KIF26B: variants seen among roughly 807,000 people sequenced by gnomAD.
The protein encoded by KIF26B is kinesin-like protein KIF26B.
A neutral mutation model predicts 151.2 loss-of-function variants in KIF26B; 63 were observed. That is an observed-to-expected ratio of 0.42 (90% CI 0.34 to 0.51). The LOEUF (loss-of-function observed/expected upper bound fraction) is 0.51, where lower values mean the gene tolerates loss of function less well. KIF26B is among the 20% of genes least tolerant of loss of function. KIF26B has a pLI of 0.07. For missense variants in KIF26B, 2,813 were observed against 2,913.6 expected, an observed-to-expected ratio of 0.97 and a Z score of 0.79; for synonymous variants, 1,357 against 1,262.1, an observed-to-expected ratio of 1.08 and a Z score of -1.59.
intron 2 of KIF26B, among the ~76,000 whole-genome samples, chr1:245,186,202 C>T (rs891763004): frequency 3.9e-5 from 6 of 151,940 alleles, no homozygotes; most frequent in Admixed American, 1.3e-4. Context: ...TCCCTTCTCC[C>T]ACGTGCGCTA....
intron 2 of KIF26B, among the ~76,000 whole-genome samples, chr1:245,171,279 C>T (rs529056538): frequency 6.6e-6 from 1 of 152,250 alleles, no homozygotes; most frequent in East Asian, 1.9e-4. Context: ...CACGGTGGCT[C>T]ACGCCTGTAA....
At chr1:245,246,091 C>G (rs1159386796) in intron 2 of KIF26B, among the ~76,000 whole-genome samples, 1 of 47,742 alleles carries the variant, frequency 2.1e-5, no homozygotes, top group Non-Finnish European at 4.1e-5. Context: ...GACTCCGTCT[C>G]AAAAAAGAAA....
At chr1:245,438,437 G>A (rs1485827607) in intron 4 of KIF26B, among the ~76,000 whole-genome samples, 16 of 152,152 alleles carry the variant, frequency 1.1e-4, no homozygotes, top group Admixed American at 1.0e-3. Context: ...AGAAAGAGAG[G>A]ATATACTTTA....
chr1:245,191,428 T>C (rs985181096), intron 2 of KIF26B, among the ~76,000 whole-genome samples: 1 of 151,438 alleles, frequency 6.6e-6, no homozygotes, highest in Non-Finnish European at 1.5e-5. Context: ...TGAGCCGAGA[T>C]CACACCACTA....
intron 4 of KIF26B, among the ~76,000 whole-genome samples, chr1:245,446,551 A>G (rs1659254977): frequency 1.3e-5 from 2 of 152,184 alleles, no homozygotes; most frequent in Non-Finnish European, 2.9e-5. Flanking sequence ...GGCCCAGGCT[A>G]CAGACTCCTA....
chr1:245,159,814 G>A (rs1668504321), intron 2 of KIF26B, among the ~76,000 whole-genome samples: 1 of 152,154 alleles, frequency 6.6e-6, no homozygotes, highest in Non-Finnish European at 1.5e-5. Flanking sequence ...CTAGTGCCTG[G>A]CTCTGGTGGC....
intron 5 of KIF26B, among the ~76,000 whole-genome samples, chr1:245,566,331 T>C (rs1419366871): frequency 6.6e-6 from 1 of 152,258 alleles, no homozygotes; most frequent in African/African-American, 2.4e-5. Flanking sequence ...TTTATGCCCT[T>C]TGGCTTGCTG....
chr1:245,402,382 C>T (rs112037725), intron 3 of KIF26B, among the ~76,000 whole-genome samples: 3,285 of 152,302 alleles, frequency 0.022, 124 homozygotes, highest in African/African-American at 0.076. Flanking sequence ...TCGCTGGATA[C>T]AGAGCCCACG....
intron 4 of KIF26B, among the ~76,000 whole-genome samples, chr1:245,450,785 A>G (rs1659371899): frequency 6.6e-6 from 1 of 152,314 alleles, no homozygotes; most frequent in East Asian, 1.9e-4. Flanking sequence ...GGGAAGGGGA[A>G]CCATTTTTTG....
rs1669972485 is a variant in KIF26B at position 245,230,455 on chromosome 1, GA to G, written c.465+73776del. 2.0e-5 allele frequency among the ~76,000 whole-genome samples: 3 copies of G among 151,902 alleles called. No homozygotes were observed. The South Asian group carries it at 6.2e-4, about 32-fold the overall frequency. On this transcript the variant is annotated intron_variant, in intron 2 of 14. Transcript: ENST00000407071. ...CATCCATAAAAATTTGCTATAAAAAGAAAACTGCCGGGCGTGGTGGCTCACG... is the reference window on the plus strand; with the variant it reads ...CATCCATAAAAATTTGCTATAAAAAGAAACTGCCGGGCGTGGTGGCTCACG...
intron 4 of KIF26B, chr1:245,511,195 T>G: frequency 1.5e-6 from 1 of 685,400 alleles, no homozygotes; most frequent in Non-Finnish European, 2.7e-6. Flanking sequence ...TTTTTTTTAC[T>G]TTAACTTTTT....
At chr1:245,509,670 A>T (rs1439011617) in intron 4 of KIF26B, among the ~76,000 whole-genome samples, 4 of 152,200 alleles carry the variant, frequency 2.6e-5, no homozygotes, top group Non-Finnish European at 4.4e-5. Context: ...CCACCAGCTC[A>T]ATCAGAATCT....
At chr1:245,404,129 C>CTG (rs1026646099) in intron 3 of KIF26B, among the ~76,000 whole-genome samples, 2 of 151,784 alleles carry the variant, frequency 1.3e-5, no homozygotes, top group Non-Finnish European at 2.9e-5. Context: ...AGAGGACAGA[C>CTG]TGAGCTGAGG....
At chr1:245,599,678 TAGG>T (rs2043370779) in intron 5 of KIF26B, among the ~76,000 whole-genome samples, 1 of 152,230 alleles carries the variant, frequency 6.6e-6, no homozygotes, top group Non-Finnish European at 1.5e-5. Flanking sequence ...GAGGCTGGGC[TAGG>T]AGATTTGCTT....
intron 9 of KIF26B, among the ~76,000 whole-genome samples, chr1:245,630,437 A>G (rs1572168557): frequency 6.6e-6 from 1 of 152,206 alleles, no homozygotes; most frequent in African/African-American, 2.4e-5. Flanking sequence ...TTGCAGGGAC[A>G]TGGATGAAGC....
chr1:245,468,223 C>T (rs1019860532), intron 4 of KIF26B, among the ~76,000 whole-genome samples: 3 of 152,198 alleles, frequency 2.0e-5, no homozygotes, highest in Non-Finnish European at 4.4e-5. Context: ...AGAACCCATT[C>T]TCCAGTGACT....
At position 245,587,735 on chromosome 1, in the gene KIF26B, C is replaced by A. The variant is rs191869106; in HGVS notation, c.1351-14842C>A. ...TCTGAAACAAAGCTTCAGGCTGGGA[C>A]CACTTTGCAGTCTCAGTGCCTGGTA... On this transcript the variant is annotated intron_variant, in intron 5 of 14. Coordinates refer to ENST00000407071, the MANE Select transcript of KIF26B (RefSeq NM_018012.4). 9.2e-5 allele frequency among the ~76,000 whole-genome samples: 14 copies of A among 152,310 alleles called. No individual in the cohort carries two copies. The East Asian group carries it at 2.7e-3, about 29-fold the overall frequency.
At chr1:245,542,692 G>A (rs894306565) in intron 5 of KIF26B, among the ~76,000 whole-genome samples, 2 of 152,232 alleles carry the variant, frequency 1.3e-5, no homozygotes, top group African/African-American at 4.8e-5. Flanking sequence ...TAAGGAGGGT[G>A]GGTCCAAGTA....
intron 4 of KIF26B, among the ~76,000 whole-genome samples, chr1:245,506,139 C>T (rs185579056): frequency 4.6e-5 from 7 of 152,178 alleles, no homozygotes; most frequent in Admixed American, 2.0e-4. Context: ...TTCCTATAAG[C>T]GGGGAATAAA....
Sources: gnomAD v4.1 joint callset for allele counts (sites outside exome capture counted in the v4.1 genomes callset) on GRCh38, gnomAD v4.1.1 for gene constraint, MANE v1.5 for transcripts, NCBI Gene and HGNC (gene_info 2026-07-23, HGNC 2026-07-21) for gene names.